The following FBLN7 variants were observed in gnomAD, a reference collection of about 807,000 sequenced individuals.
FBLN7 encodes the protein fibulin 7.
A neutral mutation model predicts 44.0 loss-of-function variants in FBLN7; 31 were observed. That is an observed-to-expected ratio of 0.70 (90% confidence interval 0.53 to 0.95). FBLN7 has a LOEUF of 0.95. Among genes scored for constraint, FBLN7 ranks in the 40% least tolerant of loss-of-function variants. The pLI is 0.00. For missense variants in FBLN7, 573 were observed against 618.5 expected (o/e 0.93, Z 0.78); for synonymous variants, 262 against 253.4 (o/e 1.03, Z -0.32).
At chr2:112,147,534 C>T (rs1680950076) in intron 1 of FBLN7, among the ~76,000 whole-genome samples, 2 of 152,178 alleles carry the variant, frequency 1.3e-5, no homozygotes, top group African/African-American at 2.4e-5. Flanking sequence ...GGATCTCCTT[C>T]CCAGTCAGTG....
chr2:112,208,811 G>T, the FBLN7 span, among the ~76,000 whole-genome samples: 1 of 152,092 alleles, frequency 6.6e-6, no homozygotes, highest in East Asian at 1.9e-4. Context: ...ACTTAAAAGT[G>T]ACAACTTCAA....
At chr2:112,240,606 T>C in the FBLN7 span, 5 of 152,336 alleles carry the variant, frequency 3.3e-5, no homozygotes, top group East Asian at 9.6e-4. Flanking sequence ...TAATAATACG[T>C]TGGACTTACA....
At chr2:112,174,683 T>C (rs1225935860) in intron 3 of FBLN7, among the ~76,000 whole-genome samples, 1 of 152,210 alleles carries the variant, frequency 6.6e-6, no homozygotes, top group African/African-American at 2.4e-5. Context: ...ACATGTGGCC[T>C]ATGGGGTTTT....
the FBLN7 span, chr2:112,212,131 T>G: frequency 6.6e-6 from 1 of 152,338 alleles, no homozygotes; most frequent in Non-Finnish European, 1.5e-5. Flanking sequence ...GGTGAGGGCC[T>G]GCTTCCTGCT....
intron 3 of FBLN7, among the ~76,000 whole-genome samples, chr2:112,171,066 A>T (rs113085288): frequency 0.032 from 4,871 of 152,260 alleles, 109 homozygotes; most frequent in African/African-American, 0.061. Flanking sequence ...TGGGTCATTG[A>T]TCAGAATTCC....
At chr2:112,240,681 T>C in the FBLN7 span, among the ~76,000 whole-genome samples, 1 of 152,180 alleles carries the variant, frequency 6.6e-6, no homozygotes, top group African/African-American at 2.4e-5. Flanking sequence ...AATTTTGCTG[T>C]TTTATTATAC....
At chr2:112,190,418 G>C (rs1683448725), downstream of FBLN7, 1 of 152,128 alleles carries the variant, frequency 6.6e-6, no homozygotes, top group African/African-American at 2.4e-5. Flanking sequence ...CTGAGATTTG[G>C]TTTGTATAAG....
chr2:112,196,584 T>A, the FBLN7 span, among the ~76,000 whole-genome samples: 1 of 151,852 alleles, frequency 6.6e-6, no homozygotes, highest in African/African-American at 2.4e-5. Context: ...TTACTTAAAT[T>A]GCAAAACTCA....
At chr2:112,200,047 A>T in the FBLN7 span, among the ~76,000 whole-genome samples, 1 of 152,194 alleles carries the variant, frequency 6.6e-6, no homozygotes, top group Non-Finnish European at 1.5e-5. Flanking sequence ...CAGAAAACAG[A>T]CAAAGACACC....
intron 1 of FBLN7, 51 bp downstream of exon 1, chr2:112,138,781 C>A: frequency 1.3e-6 from 2 of 1,501,470 alleles, no homozygotes; most frequent in Non-Finnish European, 8.9e-7. Flanking sequence ...CCGCCTCTCT[C>A]CAGGCCAGTG....
chr2:112,165,641 G>T (rs1439110780), intron 3 of FBLN7, among the ~76,000 whole-genome samples: 2 of 152,148 alleles, frequency 1.3e-5, no homozygotes, highest in Non-Finnish European at 2.9e-5. Flanking sequence ...TGCTGCTGTG[G>T]CTGCTCCGTT....
intron 4 of FBLN7, chr2:112,176,446 C>T (rs1384756635): frequency 6.6e-6 from 1 of 152,464 alleles, no homozygotes; most frequent in Non-Finnish European, 1.5e-5. Context: ...AGATTTCATT[C>T]AGCCCCAAAG....
intron 3 of FBLN7, among the ~76,000 whole-genome samples, chr2:112,167,893 A>ATGTTATGTTATGTTATGT (rs1682250383): frequency 1.3e-5 from 2 of 151,566 alleles, no homozygotes; most frequent in Non-Finnish European, 2.9e-5. Context: ...ATGTTATGTT[A>ATGTTATGTTATGTTATGT]TGTTATGTTA....
the FBLN7 span, among the ~76,000 whole-genome samples, chr2:112,200,417 A>G: frequency 6.6e-6 from 1 of 152,068 alleles, no homozygotes; most frequent in African/African-American, 2.4e-5. Context: ...ATACTTGGCC[A>G]TTCTCCTTCA....
At chr2:112,191,556 C>A (rs1683492094), downstream of FBLN7, among the ~76,000 whole-genome samples, 1 of 152,098 alleles carries the variant, frequency 6.6e-6, no homozygotes, top group Admixed American at 6.5e-5. Context: ...CTAAACATCA[C>A]CAAAATAACT....
intron 3 of FBLN7, among the ~76,000 whole-genome samples, chr2:112,173,724 C>T (rs750804089): frequency 4.6e-5 from 7 of 152,246 alleles, no homozygotes; most frequent in Non-Finnish European, 7.3e-5. Context: ...CCAGCCCCTG[C>T]CATGCACTTG....
At chr2:112,180,088 C>T (rs1325491458) in intron 4 of FBLN7, among the ~76,000 whole-genome samples, 2 of 152,124 alleles carry the variant, frequency 1.3e-5, no homozygotes, top group Non-Finnish European at 2.9e-5. Flanking sequence ...GCAAACTATG[C>T]ATCTGACAAA....
chr2:112,241,122 C>T, the FBLN7 span, among the ~76,000 whole-genome samples: 1 of 151,892 alleles, frequency 6.6e-6, no homozygotes, highest in Non-Finnish European at 1.5e-5. Flanking sequence ...GGCTTAGGTA[C>T]AGTGTGAGAA....
At chr2:112,203,633 C>T in the FBLN7 span, among the ~76,000 whole-genome samples, 3 of 152,014 alleles carry the variant, frequency 2.0e-5, no homozygotes, top group Non-Finnish European at 4.4e-5. Flanking sequence ...ACACACTATC[C>T]CTAAGGAAGC....
Sources: allele counts gnomAD v4.1 joint callset (sites outside exome capture counted in the v4.1 genomes callset), GRCh38; gene constraint gnomAD v4.1.1; transcripts MANE v1.5; gene names NCBI Gene and HGNC (gene_info 2026-07-23, HGNC 2026-07-21).